RFX3: variants seen among roughly 807,000 people sequenced by gnomAD.
RFX3 encodes regulatory factor X3.
A neutral mutation model predicts 98.6 loss-of-function variants in RFX3; 14 were observed. That is an observed-to-expected ratio of 0.14 (90% CI 0.09 to 0.22). The LOEUF is 0.22. Among genes scored for constraint, RFX3 ranks in the 10% least tolerant of loss-of-function variants. The probability of loss-of-function intolerance (pLI) is 1.00; values close to 1 mark genes in which losing one functional copy is unlikely to be tolerated. For synonymous variants in RFX3, 383 were observed against 328.4 expected (o/e 1.17, Z -1.80); for missense variants, 639 against 926.9 (o/e 0.69, Z 4.03).
chr9:3,366,702 CTTTCTTTCTT>C (rs1156700820), intron 2 of RFX3, among the ~76,000 whole-genome samples: 7 of 76,304 alleles, frequency 9.2e-5, no homozygotes, highest in Admixed American at 1.4e-4. Flanking sequence ...TCCTTTCTTT[CTTTCTTTCTT>C]TCTTTCTTTC....
intron 15 of RFX3, among the ~76,000 whole-genome samples, chr9:3,238,623 A>G (rs1246116581): frequency 6.6e-6 from 1 of 152,202 alleles, no homozygotes. Flanking sequence ...TCCTGACTCA[A>G]TGCTTCTCTT....
chr9:3,420,904 G>C, intron 1 of RFX3: 1 of 984,226 alleles, frequency 1.0e-6, no homozygotes, highest in Non-Finnish European at 1.2e-6. Context: ...GGTCAAATCT[G>C]AAACCAGCAA....
intron 1 of RFX3, among the ~76,000 whole-genome samples, chr9:3,502,736 T>C (rs1476122853): frequency 6.6e-6 from 1 of 152,190 alleles, no homozygotes; most frequent in African/African-American, 2.4e-5. Flanking sequence ...ACAGGGTAGA[T>C]AACACAACAT....
chr9:3,247,469 T>G, intron 15 of RFX3: 1 of 675,342 alleles, frequency 1.5e-6, no homozygotes, highest in Non-Finnish European at 1.9e-6. Context: ...CGGATGCTTA[T>G]TGTAAAACAG....
chr9:3,247,819 C>T (rs540904373), intron 15 of RFX3: 8 of 1,606,316 alleles, frequency 5.0e-6, no homozygotes, highest in South Asian at 2.2e-5. Context: ...TGAACTTTCA[C>T]ATGATATAAT....
chr9:3,472,838 T>A (rs1216987665), intron 1 of RFX3, among the ~76,000 whole-genome samples: 2 of 152,224 alleles, frequency 1.3e-5, no homozygotes, highest in Non-Finnish European at 2.9e-5. Context: ...CTGATGTTCC[T>A]ATGCAATAGT....
chr9:3,453,937 C>G (rs1312616853), intron 1 of RFX3, among the ~76,000 whole-genome samples: 1 of 152,052 alleles, frequency 6.6e-6, no homozygotes, highest in Non-Finnish European at 1.5e-5. Context: ...GATATGTCCA[C>G]ATTTAACTTG....
At chr9:3,340,159 T>A (rs899940985) in intron 3 of RFX3, among the ~76,000 whole-genome samples, 1 of 152,208 alleles carries the variant, frequency 6.6e-6, no homozygotes, top group Non-Finnish European at 1.5e-5. Context: ...GGGAAAGGAT[T>A]CCCTATTTAA....
chr9:3,313,169 C>G (rs1357488244), intron 4 of RFX3, among the ~76,000 whole-genome samples: 1 of 152,148 alleles, frequency 6.6e-6, no homozygotes. Context: ...GACGAAGCTT[C>G]CAGAGGAACA....
chr9:3,443,314 C>G (rs1048074834), intron 1 of RFX3, among the ~76,000 whole-genome samples: 3 of 152,028 alleles, frequency 2.0e-5, no homozygotes, highest in Non-Finnish European at 4.4e-5. Context: ...GATATTAAGC[C>G]CAGCATCCAT....
chr9:3,282,551 A>G (rs182105842), intron 7 of RFX3, among the ~76,000 whole-genome samples: 1 of 151,912 alleles, frequency 6.6e-6, no homozygotes, highest in African/African-American at 2.4e-5. Flanking sequence ...GAGAGCACCG[A>G]CAATGTGCTT....
chr9:3,467,888 C>G (rs1055257407), intron 1 of RFX3, among the ~76,000 whole-genome samples: 31 of 152,154 alleles, frequency 2.0e-4, no homozygotes, highest in Non-Finnish European at 8.8e-5. Context: ...GCCCAGCACT[C>G]TAGGCTCATC....
At chr9:3,357,372 G>C (rs1012080452) in intron 2 of RFX3, among the ~76,000 whole-genome samples, 1 of 151,504 alleles carries the variant, frequency 6.6e-6, no homozygotes, top group Non-Finnish European at 1.5e-5. Context: ...TTTCCTTTGA[G>C]GCCTAATTAA....
intron 2 of RFX3, among the ~76,000 whole-genome samples, chr9:3,393,766 C>T (rs1352405147): frequency 3.4e-5 from 5 of 146,834 alleles, no homozygotes; most frequent in Admixed American, 1.3e-4. Context: ...ATAAAGTGGG[C>T]GCTAAACAAT....
At chr9:3,313,790 G>A (rs531035792) in intron 4 of RFX3, among the ~76,000 whole-genome samples, 1 of 152,160 alleles carries the variant, frequency 6.6e-6, no homozygotes, top group Non-Finnish European at 1.5e-5. Context: ...AAGATCAAAT[G>A]AATGAAGTGA....
intron 1 of RFX3, among the ~76,000 whole-genome samples, chr9:3,445,733 G>A (rs1356508268): frequency 6.6e-6 from 1 of 152,058 alleles, no homozygotes; most frequent in Non-Finnish European, 1.5e-5. Context: ...CGATCGATAG[G>A]AGATCTTCCC....
intron 1 of RFX3, among the ~76,000 whole-genome samples, chr9:3,441,276 T>A (rs1302130962): frequency 2.0e-5 from 3 of 151,890 alleles, no homozygotes; most frequent in Non-Finnish European, 4.4e-5. Context: ...CATATTTAGT[T>A]TAATATATAT....
At chr9:3,502,824 AGC>A (rs1816182276) in intron 1 of RFX3, among the ~76,000 whole-genome samples, 1 of 152,162 alleles carries the variant, frequency 6.6e-6, no homozygotes, top group African/African-American at 2.4e-5. Context: ...AAAGGTAAAA[AGC>A]AATGGGAATA....
chr9:3,300,521 C>G (rs1182260100), intron 5 of RFX3, among the ~76,000 whole-genome samples: 1 of 151,632 alleles, frequency 6.6e-6, no homozygotes, highest in Non-Finnish European at 1.5e-5. Context: ...AAAACATTTT[C>G]TATGAGTAAA....
Sources: allele counts gnomAD v4.1 joint callset (sites outside exome capture counted in the v4.1 genomes callset), GRCh38; gene constraint gnomAD v4.1.1; transcripts MANE v1.5; gene names NCBI Gene and HGNC (gene_info 2026-07-23, HGNC 2026-07-21).